PAK5: variants seen among roughly 807,000 people sequenced by gnomAD.
PAK5 encodes the protein p21 (RAC1) activated kinase 5, also known as serine/threonine-protein kinase PAK 5.
A neutral mutation model predicts 65.9 loss-of-function variants in PAK5; 16 were observed. The observed-to-expected ratio is 0.24, with a 90% CI of 0.16 to 0.37. The LOEUF (loss-of-function observed/expected upper bound fraction) is 0.37, where lower values mean the gene tolerates loss of function less well. Ranked by LOEUF, PAK5 falls within the 10% of genes least tolerant of loss-of-function variation. The pLI, the probability that PAK5 is intolerant of heterozygous loss-of-function variation, is 1.00. For missense variants in PAK5, 785 were observed against 903.9 expected (o/e 0.87, Z 1.69); for synonymous variants, 371 against 354.9 (o/e 1.05, Z -0.51).
intron 1 of PAK5, among the ~76,000 whole-genome samples, chr20:9,767,975 C>T (rs1474859513): frequency 2.6e-5 from 4 of 152,046 alleles, no homozygotes; most frequent in African/African-American, 9.7e-5. Context: ...CAGCTGCAGG[C>T]CATTACCCTA....
chr20:9,713,301 A>G (rs150128557), intron 1 of PAK5, among the ~76,000 whole-genome samples: 5 of 152,270 alleles, frequency 3.3e-5, no homozygotes, highest in Middle Eastern at 3.4e-3. Flanking sequence ...GCAAATCAAA[A>G]CCACAATGAG....
intron 1 of PAK5, among the ~76,000 whole-genome samples, chr20:9,765,354 TATTA>T (rs1394487259): frequency 6.6e-6 from 1 of 152,178 alleles, no homozygotes; most frequent in Non-Finnish European, 1.5e-5. Flanking sequence ...GATAGTAGTT[TATTA>T]ATTTATTCAT....
chr20:9,581,705 C>T (rs983781998), intron 3 of PAK5, among the ~76,000 whole-genome samples: 1 of 152,044 alleles, frequency 6.6e-6, no homozygotes, highest in Non-Finnish European at 1.5e-5. Context: ...CTTTAATGAA[C>T]CTAAATAACA....
chr20:9,838,237 AAC>A lies in PAK5; in HGVS notation c.-162+523_-162+524del, dbSNP rs530702555. ...CACACACACACAAATAACAAAGGAA[AAC>A]ACAGCCTCATAAAGGCTCAGCTATT... On this transcript the variant is annotated intron_variant, in intron 1 of 9. Coordinates refer to ENST00000353224, the MANE Select transcript of PAK5 (RefSeq NM_177990.4). This position sits in a 1 kb window ranked among gnomAD's most constrained non-coding sequence, Gnocchi z 4.5. 1.5e-3 allele frequency among the ~76,000 whole-genome samples: 223 copies of A among 152,174 alleles called. No individual in the cohort carries two copies. The highest frequency in any genetic ancestry group is 5.1e-3 in the African/African-American group (212 of 41,538).
chr20:9,760,673 C>CTTTTTTTTTT (rs5840332), intron 1 of PAK5, among the ~76,000 whole-genome samples: 4 of 122,828 alleles, frequency 3.3e-5, no homozygotes, highest in East Asian at 2.4e-4. Context: ...CTTTTCTTTT[C>CTTTTTTTTTT]TTTTTTTTTT....
At chr20:9,603,996 C>A (rs12480642) in intron 3 of PAK5, among the ~76,000 whole-genome samples, 19,445 of 152,168 alleles carry the variant, frequency 0.13, 1,578 homozygotes, top group East Asian at 0.3. Context: ...GCTAAAAAAT[C>A]CTATAAGATT....
intron 1 of PAK5, among the ~76,000 whole-genome samples, chr20:9,810,383 G>A (rs578080129): frequency 1.3e-5 from 2 of 152,172 alleles, no homozygotes; most frequent in South Asian, 4.1e-4. Context: ...GAACAGCCTG[G>A]GAAACAAAGT....
chr20:9,675,145 C>CT (rs1389449474), intron 2 of PAK5, among the ~76,000 whole-genome samples: 2 of 152,076 alleles, frequency 1.3e-5, no homozygotes, highest in Non-Finnish European at 2.9e-5. Flanking sequence ...AATTGCAAGG[C>CT]TATGGAGATC....
chr20:9,747,795 T>A (rs375406238), intron 1 of PAK5, among the ~76,000 whole-genome samples: 4 of 150,826 alleles, frequency 2.7e-5, no homozygotes, highest in East Asian at 3.9e-4. Flanking sequence ...ATGCCCTCTC[T>A]CACCACTCCT....
At chr20:9,762,316 T>C (rs1644153715) in intron 1 of PAK5, among the ~76,000 whole-genome samples, 1 of 152,120 alleles carries the variant, frequency 6.6e-6, no homozygotes, top group Non-Finnish European at 1.5e-5. Flanking sequence ...ATTAACAAAA[T>C]GAAAAGACAA....
intron 2 of PAK5, among the ~76,000 whole-genome samples, chr20:9,663,343 T>A (rs1486598819): frequency 6.6e-6 from 1 of 152,308 alleles, no homozygotes; most frequent in East Asian, 1.9e-4. Flanking sequence ...TAATAACTCC[T>A]AATTTCTGTG....
chr20:9,607,325 T>C (rs552228947), intron 3 of PAK5, among the ~76,000 whole-genome samples: 100 of 152,222 alleles, frequency 6.6e-4, no homozygotes, highest in Non-Finnish European at 1.2e-3. Context: ...TGGCCTGTGC[T>C]CTTCAGAAGT....
At chr20:9,836,982 G>A (rs1235009969) in intron 1 of PAK5, among the ~76,000 whole-genome samples, 1 of 152,208 alleles carries the variant, frequency 6.6e-6, no homozygotes, top group Non-Finnish European at 1.5e-5. Context: ...CAGCATTTCA[G>A]CAGGTCCTGA....
chr20:9,572,494 C>T (rs1225036604), intron 4 of PAK5, among the ~76,000 whole-genome samples: 1 of 152,126 alleles, frequency 6.6e-6, no homozygotes, highest in African/African-American at 2.4e-5. Context: ...TTTTCTATGA[C>T]CTGATTTACA....
chr20:9,749,763 G>T (rs1017081321), intron 1 of PAK5, among the ~76,000 whole-genome samples: 15 of 152,166 alleles, frequency 9.9e-5, no homozygotes, highest in African/African-American at 3.4e-4. Flanking sequence ...TCAATTCATT[G>T]CTTCCTTCAT....
At chr20:9,669,235 T>A (rs1600221472) in intron 2 of PAK5, among the ~76,000 whole-genome samples, 1 of 152,118 alleles carries the variant, frequency 6.6e-6, no homozygotes, top group African/African-American at 2.4e-5. Flanking sequence ...AAAAAGTGTA[T>A]TTAGGATGGT....
intron 2 of PAK5, among the ~76,000 whole-genome samples, chr20:9,677,370 G>C (rs1417106172): frequency 1.3e-5 from 2 of 152,120 alleles, no homozygotes; most frequent in African/African-American, 4.8e-5. Flanking sequence ...AGCAGCTCAG[G>C]CTTGTAGACT....
At chr20:9,716,739 C>T (rs2048151326) in intron 1 of PAK5, among the ~76,000 whole-genome samples, 1 of 152,086 alleles carries the variant, frequency 6.6e-6, no homozygotes, top group Non-Finnish European at 1.5e-5. Context: ...ATTAAGAAGA[C>T]TTTACCCATA....
intron 2 of PAK5, among the ~76,000 whole-genome samples, chr20:9,675,909 C>A (rs200167808): frequency 0.032 from 4,901 of 152,058 alleles, 148 homozygotes; most frequent in African/African-American, 0.078. Context: ...GTAACACTTA[C>A]AACATAGCTA....
Sources: allele counts gnomAD v4.1 joint callset (sites outside exome capture counted in the v4.1 genomes callset), GRCh38; gene constraint gnomAD v4.1.1; non-coding constraint Gnocchi (gnomAD v3.1); transcripts MANE v1.5; gene names NCBI Gene and HGNC (gene_info 2026-07-23, HGNC 2026-07-21).